HIKESHI: variants seen among roughly 807,000 people sequenced by gnomAD.
The protein encoded by HIKESHI is protein Hikeshi.
HIKESHI carries 13 observed loss-of-function variants against 25.7 expected under a neutral mutation model. The observed-to-expected ratio is 0.51, with a 90% CI of 0.33 to 0.80. The LOEUF (loss-of-function observed/expected upper bound fraction) is 0.80, where lower values mean the gene tolerates loss of function less well. Ranked by LOEUF, HIKESHI falls within the 30% of genes least tolerant of loss-of-function variation. The probability of loss-of-function intolerance (pLI) is 0.02; values close to 1 mark genes in which losing one functional copy is unlikely to be tolerated. For synonymous variants in HIKESHI, 76 were observed against 78.7 expected (o/e 0.97, Z 0.18); for missense variants, 174 against 229.5 (o/e 0.76, Z 1.56).
chr11:86,325,814 G>T (rs1947265337), intron 2 of HIKESHI, among the ~76,000 whole-genome samples: 1 of 151,796 alleles, frequency 6.6e-6, no homozygotes, highest in Admixed American at 6.6e-5. Flanking sequence ...GGAGGTTGCA[G>T]TGAACCGAGA....
intron 2 of HIKESHI, among the ~76,000 whole-genome samples, chr11:86,329,321 T>G: frequency 6.6e-6 from 1 of 152,180 alleles, no homozygotes; most frequent in Non-Finnish European, 1.5e-5. Context: ...CATTCCTCAT[T>G]GGGCATTTTG....
intron 2 of HIKESHI, among the ~76,000 whole-genome samples, chr11:86,334,266 G>C (rs1269138254): frequency 7.2e-6 from 1 of 139,826 alleles, no homozygotes; most frequent in African/African-American, 2.8e-5. Flanking sequence ...GTGTGTGTGT[G>C]TGTGTGTAAA....
rs950506724 is a variant in HIKESHI at position 86,307,053 on chromosome 11, ATATAT to A, written c.268+575_268+579del. Among the ~76,000 whole-genome samples the A allele has an allele frequency of 3.1e-4, 43 of 140,542 alleles. 2 individuals carry two copies. The highest frequency in any genetic ancestry group is 1.0e-3 in the African/African-American group (40 of 38,576). The allele number at this position is 140,542 out of a possible 152,430, so 92.2% of individuals were successfully genotyped here. A position where few individuals can be genotyped will look rare whatever the true frequency, so the allele number is the denominator to read the frequency against. On this transcript the variant is annotated intron_variant, in intron 2 of 4. Transcript: ENST00000278483. ...TAAATATATATATTATGTATCAAATATATATTATGTGTAATATACATCATGTATCA... is the reference window on the plus strand; with the variant it reads ...TAAATATATATATTATGTATCAAATATATGTGTAATATACATCATGTATCA...
At chr11:86,312,851 A>C (rs1193276600) in intron 2 of HIKESHI, among the ~76,000 whole-genome samples, 1 of 152,180 alleles carries the variant, frequency 6.6e-6, no homozygotes, top group Non-Finnish European at 1.5e-5. Flanking sequence ...TTCTGGGTTG[A>C]AAATTCTTTT....
At chr11:86,323,683 C>T (rs543523160) in intron 2 of HIKESHI, among the ~76,000 whole-genome samples, 9 of 152,318 alleles carry the variant, frequency 5.9e-5, no homozygotes, top group African/African-American at 2.2e-4. Flanking sequence ...CCTTTTTGTA[C>T]TTTTGGCTGT....
Position 86,344,731 on chromosome 11 carries a change from A to AT in HIKESHI, c.539+14dup. ...ATGTGGTTCTGAAATGGTATGAGGCATTTTCTGTCTCCAATATTAAGGCTT... is the reference window on the plus strand; with the variant it reads ...ATGTGGTTCTGAAATGGTATGAGGCATTTTTCTGTCTCCAATATTAAGGCTT... On this transcript the variant is annotated intron_variant, in intron 4 of 4. Transcript: ENST00000278483. 1 of 1,528,502 alleles carries AT rather than the reference A, an allele frequency of 6.5e-7. No homozygotes were observed. Among genetic ancestry groups the AT allele is most frequent in the Non-Finnish European group, 9.1e-7 (1 of 1,103,094 alleles). 94.7% of individuals were successfully genotyped at this position (1,528,502 alleles called of 1,614,324 possible). A position where few individuals can be genotyped will look rare whatever the true frequency, so the allele number is the denominator to read the frequency against.
At chr11:86,312,116 G>T (rs1222698774) in intron 2 of HIKESHI, among the ~76,000 whole-genome samples, 2 of 152,162 alleles carry the variant, frequency 1.3e-5, no homozygotes, top group African/African-American at 2.4e-5. Flanking sequence ...GGATATCCTT[G>T]TTAACTTTCT....
chr11:86,330,289 G>A (rs1424975899), intron 2 of HIKESHI, among the ~76,000 whole-genome samples: 1 of 152,134 alleles, frequency 6.6e-6, no homozygotes, highest in Non-Finnish European at 1.5e-5. Flanking sequence ...AGTTTTCCTT[G>A]TTTGTCACCC....
At chr11:86,339,666 G>A (rs183353310) in intron 3 of HIKESHI, among the ~76,000 whole-genome samples, 112 of 152,076 alleles carry the variant, frequency 7.4e-4, no homozygotes, top group African/African-American at 2.3e-3. Flanking sequence ...ATCTGTATCT[G>A]TTTAAACATG....
At chr11:86,326,142 A>T (rs1404236732) in intron 2 of HIKESHI, among the ~76,000 whole-genome samples, 1 of 152,120 alleles carries the variant, frequency 6.6e-6, no homozygotes, top group Non-Finnish European at 1.5e-5. Flanking sequence ...TACTAAAAAT[A>T]CAAAAATTAG....
At chr11:86,322,555 A>G (rs937161736) in intron 2 of HIKESHI, among the ~76,000 whole-genome samples, 8 of 151,892 alleles carry the variant, frequency 5.3e-5, no homozygotes, top group Non-Finnish European at 4.4e-5. Flanking sequence ...CTTTTCTCTA[A>G]CAGTGTTTTT....
rs925268683 is a variant in HIKESHI at position 86,322,690 on chromosome 11, A to G, written c.269-14689A>G. On this transcript the variant is annotated intron_variant, in intron 2 of 4. Coordinates refer to ENST00000278483, the MANE Select transcript of HIKESHI (RefSeq NM_016401.4). Reference sequence around the variant, plus strand: ...ATGTAAGAAATCTTTGCCTAACCCAAGGTTGCAAAGACTTTCTCCTAGAGG... The same window carrying G: ...ATGTAAGAAATCTTTGCCTAACCCAGGGTTGCAAAGACTTTCTCCTAGAGG... Among the ~76,000 whole-genome samples, 16 of 152,304 alleles carry G rather than the reference A, an allele frequency of 1.1e-4. 1 individual carries two copies. The highest frequency in any genetic ancestry group is 4.6e-4 in the Admixed American group (7 of 15,294).
At chr11:86,305,511 C>T (rs576272670) in intron 1 of HIKESHI, among the ~76,000 whole-genome samples, 25 of 152,020 alleles carry the variant, frequency 1.6e-4, no homozygotes, top group African/African-American at 5.1e-4. Context: ...CTTAGCCTCC[C>T]GAGTACCTGG....
intron 2 of HIKESHI, among the ~76,000 whole-genome samples, chr11:86,306,890 C>T (rs1289628486): frequency 4.0e-5 from 6 of 151,196 alleles, no homozygotes; most frequent in Non-Finnish European, 8.8e-5. Flanking sequence ...GTCCCAACTA[C>T]TCGGGAGGCT....
chr11:86,319,418 T>G (rs291212), intron 2 of HIKESHI, among the ~76,000 whole-genome samples: 91,637 of 145,778 alleles, frequency 0.63, 28,827 homozygotes, highest in East Asian at 0.78. Context: ...GTGTTTTTTT[T>G]TTGTTGTTGT....
intron 2 of HIKESHI, among the ~76,000 whole-genome samples, chr11:86,313,773 T>C (rs1447969553): frequency 6.6e-6 from 1 of 152,098 alleles, no homozygotes; most frequent in Non-Finnish European, 1.5e-5. Flanking sequence ...ATAGAAAAGG[T>C]AGCAATTAAC....
chr11:86,319,242 A>ATATATTTTT (rs1383589741), intron 2 of HIKESHI, among the ~76,000 whole-genome samples: 67 of 94,942 alleles, frequency 7.1e-4, no homozygotes, highest in African/African-American at 2.6e-3. Flanking sequence ...ATATATATAT[A>ATATATTTTT]TTTTTTTTTT....
intron 2 of HIKESHI, among the ~76,000 whole-genome samples, chr11:86,309,922 T>C (rs1946788253): frequency 6.6e-6 from 1 of 151,992 alleles, no homozygotes; most frequent in Non-Finnish European, 1.5e-5. Context: ...TCTGTTCCAT[T>C]GGTCTATATC....
chr11:86,333,197 T>C (rs1947465933), intron 2 of HIKESHI, among the ~76,000 whole-genome samples: 1 of 152,150 alleles, frequency 6.6e-6, no homozygotes, highest in Non-Finnish European at 1.5e-5. Flanking sequence ...CTGAGTTTTC[T>C]CAACTAAAAA....
Sources: allele counts gnomAD v4.1 joint callset (sites outside exome capture counted in the v4.1 genomes callset), GRCh38; gene constraint gnomAD v4.1.1; transcripts MANE v1.5; gene names NCBI Gene and HGNC (gene_info 2026-07-23, HGNC 2026-07-21).